Variants in CCDC171 observed in about 807,000 individuals in gnomAD.
CCDC171 encodes coiled-coil domain-containing protein 171.
Under a neutral mutation model 168.2 loss-of-function variants are expected in CCDC171, and 177 were observed. The observed-to-expected ratio is 1.05, with a 90% confidence interval of 0.93 to 1.19. CCDC171 has a LOEUF of 1.19. Among genes scored for constraint, CCDC171 ranks in the 50% most tolerant of loss-of-function variants. CCDC171 has a pLI of 0.00. For missense variants in CCDC171, 1,991 were observed against 1,539.0 expected, an observed-to-expected ratio of 1.29 and a Z score of -4.91; for synonymous variants, 687 against 540.8, an observed-to-expected ratio of 1.27 and a Z score of -3.75.
chr9:15,846,681 C>G (rs1438775962), intron 21 of CCDC171, 21 bp from the exon 22 acceptor site: 1 of 1,610,974 alleles, frequency 6.2e-7, no homozygotes, highest in Non-Finnish European at 8.5e-7. Flanking sequence ...ACAAGTAACT[C>G]TGTTTTCTGT....
chr9:15,597,279 G>A (rs2042445736), intron 6 of CCDC171, among the ~76,000 whole-genome samples: 1 of 152,046 alleles, frequency 6.6e-6, no homozygotes. Flanking sequence ...ATTGGCTGTG[G>A]GTTTGTCATA....
intron 25 of CCDC171, among the ~76,000 whole-genome samples, chr9:15,943,443 A>T (rs1216275490): frequency 6.6e-6 from 1 of 152,040 alleles, no homozygotes; most frequent in East Asian, 1.9e-4. Context: ...GGTTATTGAT[A>T]TGAAATAATT....
intron 4 of CCDC171, among the ~76,000 whole-genome samples, chr9:15,585,767 C>T (rs932956007): frequency 1.3e-5 from 2 of 152,054 alleles, no homozygotes; most frequent in African/African-American, 4.8e-5. Flanking sequence ...CGCTTGAACC[C>T]AGGAATTCAA....
intron 6 of CCDC171, among the ~76,000 whole-genome samples, chr9:15,595,140 G>C (rs72706649): frequency 0.012 from 1,827 of 151,712 alleles, 16 homozygotes; most frequent in Non-Finnish European, 0.018. Context: ...GAGAATAGAA[G>C]CCACTTAATT....
At chr9:16,054,708 A>G (rs893503070) in intron 1 of CCDC171, among the ~76,000 whole-genome samples, 3 of 152,224 alleles carry the variant, frequency 2.0e-5, no homozygotes, top group Admixed American at 2.0e-4. Flanking sequence ...GAGCTGTTTG[A>G]TGGAGAGAGT....
chr9:15,949,272 G>GT (rs952789096), intron 25 of CCDC171, among the ~76,000 whole-genome samples: 11 of 149,978 alleles, frequency 7.3e-5, no homozygotes, highest in Non-Finnish European at 1.5e-4. Context: ...CTCCAGCTTT[G>GT]TTTTTTTGGC....
At chr9:15,898,142 G>T (rs1341194627) in intron 24 of CCDC171, among the ~76,000 whole-genome samples, 3 of 152,108 alleles carry the variant, frequency 2.0e-5, no homozygotes, top group African/African-American at 7.2e-5. Flanking sequence ...TTATAACCAG[G>T]GTCCAGGCAA....
chr9:15,950,919 A>T lies in CCDC171; in HGVS notation c.3754-20690A>T, dbSNP rs542539031. ...ACACACATAGGCTCAAAATAAAAGG[A>T]TGGAGGAAGATCTACCAAGCAAATG... On this transcript the variant is annotated intron_variant, in intron 25 of 25. Coordinates refer to ENST00000380701, the MANE Select transcript of CCDC171 (RefSeq NM_173550.4). Among the ~76,000 whole-genome samples, 7 of 151,688 alleles carry T rather than the reference A, an allele frequency of 4.6e-5. No homozygotes were observed. In the South Asian group the frequency reaches 1.5e-3, roughly 32 times the overall value.
intron 11 of CCDC171, among the ~76,000 whole-genome samples, chr9:15,713,166 C>G (rs991821704): frequency 6.6e-6 from 1 of 152,232 alleles, no homozygotes; most frequent in African/African-American, 2.4e-5. Context: ...ATGATAGTCA[C>G]ATCCACTACT....
chr9:15,764,415 C>G (rs1349177869), intron 18 of CCDC171, among the ~76,000 whole-genome samples: 1 of 152,090 alleles, frequency 6.6e-6, no homozygotes, highest in Non-Finnish European at 1.5e-5. Flanking sequence ...CATCATTGGA[C>G]TTGGTTATTG....
chr9:15,624,660 G>C (rs556930166), intron 7 of CCDC171, among the ~76,000 whole-genome samples: 38 of 152,292 alleles, frequency 2.5e-4, no homozygotes, highest in African/African-American at 8.7e-4. Flanking sequence ...TTTTATGGCT[G>C]CATAGTATTC....
intron 6 of CCDC171, among the ~76,000 whole-genome samples, chr9:15,620,297 T>G (rs1284388888): frequency 6.6e-6 from 1 of 152,212 alleles, no homozygotes; most frequent in African/African-American, 2.4e-5. Context: ...GATTTGCCAT[T>G]CTAGATGCCC....
At chr9:16,030,813 T>A (rs922902319) in intron 6 of CCDC171, among the ~76,000 whole-genome samples, 1 of 152,198 alleles carries the variant, frequency 6.6e-6, no homozygotes, top group Non-Finnish European at 1.5e-5. Context: ...CTCCATGTGA[T>A]CGCTTCCCAA....
intron 7 of CCDC171, among the ~76,000 whole-genome samples, chr9:15,651,039 A>G (rs1444610860): frequency 6.6e-6 from 1 of 152,000 alleles, no homozygotes; most frequent in Non-Finnish European, 1.5e-5. Flanking sequence ...GCCTCTGATA[A>G]CTATCCTAAC....
chr9:15,637,440 TTTAC>T (rs2046282579), intron 7 of CCDC171, among the ~76,000 whole-genome samples: 1 of 151,950 alleles, frequency 6.6e-6, no homozygotes, highest in African/African-American at 2.4e-5. Context: ...TGGTTTTATT[TTTAC>T]TTTTTAAAAT....
At chr9:15,770,507 C>A (rs970835887) in intron 18 of CCDC171, among the ~76,000 whole-genome samples, 1 of 152,102 alleles carries the variant, frequency 6.6e-6, no homozygotes, top group Admixed American at 6.5e-5. Context: ...ACAAATGTAT[C>A]ATTTGTCTAA....
At chr9:15,866,678 A>C (rs1345283492) in intron 23 of CCDC171, among the ~76,000 whole-genome samples, 1 of 152,004 alleles carries the variant, frequency 6.6e-6, no homozygotes, top group Non-Finnish European at 1.5e-5. Flanking sequence ...TTTGAGATTG[A>C]CTAACATAAT....
intron 1 of CCDC171, among the ~76,000 whole-genome samples, chr9:16,058,799 A>C (rs1471142029): frequency 6.6e-6 from 1 of 152,356 alleles, no homozygotes; most frequent in South Asian, 2.1e-4. Context: ...ATTTCCCTCA[A>C]GTAATGAGAA....
At chr9:15,893,309 A>T (rs1055350256) in intron 24 of CCDC171, among the ~76,000 whole-genome samples, 6 of 152,044 alleles carry the variant, frequency 3.9e-5, no homozygotes, top group Admixed American at 6.6e-5. Context: ...ACTTAAATGT[A>T]AAACCCAAAA....
Sources: allele counts gnomAD v4.1 joint callset (sites outside exome capture counted in the v4.1 genomes callset), GRCh38; gene constraint gnomAD v4.1.1; transcripts MANE v1.5; gene names NCBI Gene and HGNC (gene_info 2026-07-23, HGNC 2026-07-21).